Variants in MMP26 observed in about 807,000 individuals in gnomAD.
The protein encoded by MMP26 is matrix metalloproteinase-26.
A neutral mutation model predicts 31.0 loss-of-function variants in MMP26; 33 were observed. That is an observed-to-expected ratio of 1.06 (90% CI 0.81 to 1.42). MMP26 has a LOEUF of 1.42. Among genes scored for constraint, MMP26 ranks in the 40% most tolerant of loss-of-function variants. The probability of loss-of-function intolerance (pLI) is 0.00; values close to 1 mark genes in which losing one functional copy is unlikely to be tolerated. For synonymous variants in MMP26, 122 were observed against 114.9 expected, an observed-to-expected ratio of 1.06 and a Z score of -0.40; for missense variants, 347 against 316.1, an observed-to-expected ratio of 1.10 and a Z score of -0.74.
Position 4,991,411 on chromosome 11 carries a change from C to T in MMP26, c.510C>T (p.Ile170=), listed in dbSNP as rs756877190. ...DGWPFDGPGG[I]LGHAFLPNSG... ...GGCCCTTTGATGGGCCAGGTGGTATCTTAGGCCATGCCTTTTTACCAAATT... is the reference window on the plus strand; with the variant it reads ...GGCCCTTTGATGGGCCAGGTGGTATTTTAGGCCATGCCTTTTTACCAAATT... Residue 170 remains isoleucine, a synonymous_variant, in exon 6 of 8, where the codon ATC becomes ATT. Coordinates refer to ENST00000380390, the MANE Select transcript of MMP26 (RefSeq NM_021801.5). 52 of 1,613,938 alleles carry T rather than the reference C, an allele frequency of 3.2e-5. No individual in the cohort carries two copies. The highest frequency in any genetic ancestry group is 2.2e-5 in the East Asian group (1 of 44,890).
At chr11:4,861,376 A>G (rs1425556990) in intron 2 of MMP26, among the ~76,000 whole-genome samples, 1 of 150,774 alleles carries the variant, frequency 6.6e-6, no homozygotes, top group African/African-American at 2.4e-5. Flanking sequence ...TAGGATAGGT[A>G]CTCTATATAT....
intron 2 of MMP26, among the ~76,000 whole-genome samples, chr11:4,891,475 C>T (rs1440379847): frequency 6.6e-6 from 1 of 152,174 alleles, no homozygotes; most frequent in African/African-American, 2.4e-5. Context: ...CAACCCCCAT[C>T]TCCAACATTG....
intron 1 of MMP26, chr11:4,724,039 C>A: frequency 4.5e-6 from 3 of 668,286 alleles, no homozygotes; most frequent in Non-Finnish European, 8.1e-6. Context: ...ACCCCGGAAG[C>A]TGCTGGTACC....
intron 2 of MMP26, among the ~76,000 whole-genome samples, chr11:4,981,072 T>C (rs1564818658): frequency 1.3e-5 from 2 of 152,226 alleles, no homozygotes; most frequent in East Asian, 3.9e-4. Flanking sequence ...GAAAAACTTA[T>C]AAAAGAAGAA....
intron 2 of MMP26, chr11:4,919,219 T>TC (rs1357568828): frequency 6.6e-6 from 1 of 152,270 alleles, no homozygotes; most frequent in Non-Finnish European, 1.5e-5. Flanking sequence ...GTAGACAAAG[T>TC]CCCTTCTACC....
At chr11:4,945,831 A>G (rs11034822) in intron 2 of MMP26, 50,433 of 341,950 alleles carry the variant, frequency 0.15, 5,069 homozygotes, top group South Asian at 0.35. Context: ...ACTTGGTATA[A>G]GAGATTGAAT....
chr11:4,944,503 C>A (rs1846264905), intron 2 of MMP26: 1 of 154,140 alleles, frequency 6.5e-6, no homozygotes, highest in Non-Finnish European at 1.4e-5. Context: ...AAAGATTTTC[C>A]ATTAATTGTG....
intron 2 of MMP26, among the ~76,000 whole-genome samples, chr11:4,811,185 C>G (rs1360423107): frequency 2.0e-5 from 3 of 152,106 alleles, no homozygotes; most frequent in Non-Finnish European, 4.4e-5. Flanking sequence ...AATTATTTTT[C>G]TTTTTCTTTT....
chr11:4,848,956 G>A, intron 2 of MMP26: 2 of 1,614,156 alleles, frequency 1.2e-6, no homozygotes, highest in Non-Finnish European at 1.7e-6. Flanking sequence ...GTGGGCATCA[G>A]GGCAGTGACC....
chr11:4,942,131 A>G (rs1342611612), intron 2 of MMP26, among the ~76,000 whole-genome samples: 1 of 148,412 alleles, frequency 6.7e-6, no homozygotes, highest in Non-Finnish European at 1.5e-5. Context: ...CCCTACTCAG[A>G]CTGCTGCCAA....
In MMP26 at chr11:4,841,754, G is replaced by C. The variant is rs139859498; in HGVS notation, c.-145+74413G>C. 5.4e-3 allele frequency among the ~76,000 whole-genome samples: 819 copies of C among 152,252 alleles called. 10 individuals are homozygous for C. The highest frequency in any genetic ancestry group is 0.018 in the African/African-American group (752 of 41,536). ...TCGAGACCAGTCTGACCAACATGGA[G>C]AAACCCCGTCTCTACTAAAAATACA... On this transcript the variant is annotated intron_variant, in intron 2 of 7. Transcript: ENST00000380390.
At chr11:4,783,645 G>A (rs1408948901) in intron 2 of MMP26, among the ~76,000 whole-genome samples, 2 of 152,150 alleles carry the variant, frequency 1.3e-5, no homozygotes, top group Non-Finnish European at 2.9e-5. Context: ...GAATGATGTG[G>A]TTTGGCTCTG....
intron 2 of MMP26, among the ~76,000 whole-genome samples, chr11:4,845,085 G>A (rs1232558626): frequency 6.6e-6 from 1 of 151,962 alleles, no homozygotes; most frequent in African/African-American, 2.4e-5. Context: ...ACAAAAATCA[G>A]TAGCATTTCT....
At chr11:4,943,738 A>T (rs905821488) in intron 2 of MMP26, 1 of 360,588 alleles carries the variant, frequency 2.8e-6, no homozygotes, top group Non-Finnish European at 5.5e-6. Flanking sequence ...TTAATCCTCC[A>T]AAAACTACAT....
chr11:4,822,059 G>T lies in MMP26; in HGVS notation c.-145+54718G>T, dbSNP rs769832394. ...CTTTTGTCCACTACAGGGTTTGACT[G>T]CCCTTGCATCCTGCTCTCCTATATC... On this transcript the variant is annotated intron_variant, in intron 2 of 7. Coordinates refer to ENST00000380390, the MANE Select transcript of MMP26 (RefSeq NM_021801.5). 5.6e-6 allele frequency: 9 copies of T among 1,613,600 alleles called. No individual in the cohort carries two copies. The African/African-American group carries it at 1.2e-4, about 22-fold the overall frequency.
chr11:4,713,172 G>A (rs2133267304), intron 1 of MMP26, among the ~76,000 whole-genome samples: 1 of 152,124 alleles, frequency 6.6e-6, no homozygotes, highest in South Asian at 2.1e-4. Flanking sequence ...CAAATTAGGT[G>A]CCTGACTTCC....
chr11:4,867,007 C>T (rs1455242759), intron 2 of MMP26, among the ~76,000 whole-genome samples: 5 of 152,070 alleles, frequency 3.3e-5, no homozygotes, highest in African/African-American at 1.2e-4. Context: ...CAATACCATT[C>T]AGGTCATAGG....
intron 2 of MMP26, among the ~76,000 whole-genome samples, chr11:4,831,399 G>A (rs1020773113): frequency 5.3e-5 from 8 of 152,208 alleles, no homozygotes; most frequent in Admixed American, 3.9e-4. Context: ...CAGACTTGAA[G>A]ATCTCTCTGA....
chr11:4,917,289 T>A (rs896575724), intron 2 of MMP26, among the ~76,000 whole-genome samples: 1 of 152,104 alleles, frequency 6.6e-6, no homozygotes, highest in African/African-American at 2.4e-5. Context: ...TTAGAAAAAA[T>A]TATTTACATT....
Sources: allele counts gnomAD v4.1 joint callset (sites outside exome capture counted in the v4.1 genomes callset), GRCh38; gene constraint gnomAD v4.1.1; transcripts MANE v1.5; gene names NCBI Gene and HGNC (gene_info 2026-07-23, HGNC 2026-07-21).